The following ITGAE variants were observed in gnomAD, a reference collection of about 807,000 sequenced individuals.
ITGAE encodes integrin subunit alpha E.
A neutral mutation model predicts 136.5 loss-of-function variants in ITGAE; 99 were observed. The ratio of observed to expected loss-of-function variants is 0.73; its 90% CI spans 0.62 to 0.86. ITGAE has a LOEUF of 0.86. Among genes scored for constraint, ITGAE ranks in the 40% least tolerant of loss-of-function variants. The probability of loss-of-function intolerance (pLI) is 0.00; values close to 1 mark genes in which losing one functional copy is unlikely to be tolerated. For synonymous variants in ITGAE, 613 were observed against 591.8 expected (o/e 1.04, Z -0.52); for missense variants, 1,447 against 1,515.3 (o/e 0.95, Z 0.75).
At chr17:3,757,193 GA>G in intron 9 of ITGAE, 59 bp from the exon 10 acceptor site, 2 of 1,583,488 alleles carry the variant, frequency 1.3e-6, no homozygotes, top group Admixed American at 3.5e-5. Flanking sequence ...GGCCCAGGGA[GA>G]GAGCTGAGCC....
intron 20 of ITGAE, among the ~76,000 whole-genome samples, chr17:3,738,462 C>A (rs1282321729): frequency 6.6e-6 from 1 of 152,190 alleles, no homozygotes; most frequent in Non-Finnish European, 1.5e-5. Flanking sequence ...AGCCACCGCG[C>A]CCGGCCTGGG....
In ITGAE at chr17:3,755,083, T is replaced by TGGCCCCGCCCTCATCAGGC. The variant is rs758606346; in HGVS notation, c.1384+33_1384+34insGCCTGATGAGGGCGGGGCC. Reference sequence around the variant, plus strand: ...GCCTCCAGGCCCCGCCCTCATCAGGTGGCCCCGCCCTCATCAGGTGGCCCC... The same window carrying TGGCCCCGCCCTCATCAGGC: ...GCCTCCAGGCCCCGCCCTCATCAGGTGGCCCCGCCCTCATCAGGCGGCCCCGCCCTCATCAGGTGGCCCC... On this transcript the variant is annotated intron_variant, in intron 12 of 30. Transcript: ENST00000263087. 7 of 1,528,238 alleles carry TGGCCCCGCCCTCATCAGGC rather than the reference T, an allele frequency of 4.6e-6. No homozygotes were observed. In the African/African-American group the frequency reaches 7.3e-5, roughly 16 times the overall value. The allele number at this position is 1,528,238 out of a possible 1,614,324, so 94.7% of individuals were successfully genotyped here.
intron 20 of ITGAE, among the ~76,000 whole-genome samples, chr17:3,737,362 T>C (rs961093095): frequency 1.3e-5 from 2 of 150,864 alleles, no homozygotes; most frequent in Non-Finnish European, 2.9e-5. Flanking sequence ...GTAAAGCAAA[T>C]GAAACGAAAA....
intron 1 of ITGAE, among the ~76,000 whole-genome samples, chr17:3,783,787 C>A (rs1250981915): frequency 6.6e-6 from 1 of 152,156 alleles, no homozygotes; most frequent in Non-Finnish European, 1.5e-5. Flanking sequence ...GAGATATATG[C>A]ACACAAATAT....
At chr17:3,785,536 AAG>A (rs2052769499) in intron 1 of ITGAE, among the ~76,000 whole-genome samples, 1 of 149,490 alleles carries the variant, frequency 6.7e-6, no homozygotes. Flanking sequence ...GGAAGGAAGG[AAG>A]GAAGGAAGGA....
rs774796024 is a variant in ITGAE at position 3,753,347 on chromosome 17, T to C, written c.1611A>G (p.Pro537=). The C allele has an allele frequency of 1.7e-5, 28 of 1,614,042 alleles. No homozygotes were observed. Among genetic ancestry groups the C allele is most frequent in the Non-Finnish European group, 2.4e-5 (28 of 1,179,992 alleles). ...GSTDFLLVAA[P]FYHVHGEEGR... Reference sequence around the variant, plus strand: ...CTTCTTCTCCATGAACGTGGTAAAATGGAGCAGCCACCAGCAAGAAGTCCG... The same window carrying C: ...CTTCTTCTCCATGAACGTGGTAAAACGGAGCAGCCACCAGCAAGAAGTCCG... Residue 537 remains proline, a synonymous_variant, in exon 14 of 31, where the codon CCA becomes CCG. Coordinates refer to ENST00000263087, the MANE Select transcript of ITGAE (RefSeq NM_002208.5).
chr17:3,789,009 G>T (rs560172248), intron 1 of ITGAE, among the ~76,000 whole-genome samples: 1 of 152,058 alleles, frequency 6.6e-6, no homozygotes, highest in East Asian at 1.9e-4. Flanking sequence ...ACTTTGGGAG[G>T]CTGAGGTGGG....
chr17:3,760,800 T>C (rs2052146376), intron 6 of ITGAE, among the ~76,000 whole-genome samples: 1 of 152,076 alleles, frequency 6.6e-6, no homozygotes, highest in Non-Finnish European at 1.5e-5. Flanking sequence ...TCAGGCTTTG[T>C]GTGCTGTGTG....
At chr17:3,714,983 T>C (rs1313943773) in intron 30 of ITGAE, 41 bp from the exon 31 acceptor site, 5 of 1,212,302 alleles carry the variant, frequency 4.1e-6, no homozygotes, top group South Asian at 2.4e-5. Context: ...AGGCCAAAGA[T>C]AGCCATCTGT....
At chr17:3,726,420 G>T in intron 26 of ITGAE, 1 of 846,822 alleles carries the variant, frequency 1.2e-6, no homozygotes, top group South Asian at 1.9e-5. Flanking sequence ...ACAGGAGGGT[G>T]GAACTCCCAT....
At chr17:3,759,820 G>C (rs888372164) in intron 7 of ITGAE, among the ~76,000 whole-genome samples, 1 of 152,194 alleles carries the variant, frequency 6.6e-6, no homozygotes, top group Non-Finnish European at 1.5e-5. Context: ...GACTGGCTTT[G>C]GCCAATAAGA....
At chr17:3,732,071 A>G (rs1177319264) in intron 22 of ITGAE, among the ~76,000 whole-genome samples, 1 of 116,590 alleles carries the variant, frequency 8.6e-6, no homozygotes, top group Non-Finnish European at 1.7e-5. Context: ...ATGAAACTCC[A>G]TCTCAAAAAC....
intron 2 of ITGAE, among the ~76,000 whole-genome samples, chr17:3,765,938 T>C (rs1239793930): frequency 6.6e-6 from 1 of 152,206 alleles, no homozygotes; most frequent in Admixed American, 6.5e-5. Flanking sequence ...GGCAGAATAA[T>C]GGCCCCCCAA....
In ITGAE at chr17:3,750,443, A is replaced by C; in HGVS notation, c.1933T>G (p.Phe645Val). The C allele has an allele frequency of 2.5e-6, 4 of 1,614,226 alleles. No homozygotes were observed. The highest frequency in any genetic ancestry group is 3.4e-6 in the Non-Finnish European group (4 of 1,180,040). The part of the protein sequence containing the change: ...ASTVAPGLQY[F>V]GMSMAGGFDI... ...AAGCCACCAGCCATGGACATGCCGAAGTACTGGAGTCCTGGGGCCACCGTG... is the reference window on the plus strand; with the variant it reads ...AAGCCACCAGCCATGGACATGCCGACGTACTGGAGTCCTGGGGCCACCGTG... The change falls in exon 16 of 31, where the codon TTC (phenylalanine) becomes GTC (valine). Residue 645 changes from phenylalanine to valine, a missense_variant. Coordinates refer to ENST00000263087, the MANE Select transcript of ITGAE (RefSeq NM_002208.5).
In ITGAE at chr17:3,753,439, C is replaced by A; in HGVS notation, c.1528-9G>T. On this transcript the variant is annotated splice_polypyrimidine_tract_variant and intron_variant, in intron 13 of 30. Coordinates refer to ENST00000263087, the MANE Select transcript of ITGAE (RefSeq NM_002208.5). ...CCAAAATAGGACCCCATCTACAGCC[C>A]GGGAGGAACTCAGCTCACCAGGAGC... is the stretch of plus-strand genomic sequence containing the variant. 3 of 1,612,030 alleles carry A rather than the reference C, an allele frequency of 1.9e-6. No individual in the cohort carries two copies. Among genetic ancestry groups the A allele is most frequent in the Non-Finnish European group, 2.5e-6 (3 of 1,178,456 alleles).
intron 1 of ITGAE, among the ~76,000 whole-genome samples, chr17:3,789,368 G>A (rs2052881370): frequency 6.6e-6 from 1 of 152,060 alleles, no homozygotes; most frequent in African/African-American, 2.4e-5. Context: ...CCTACATGAA[G>A]TGCATTTCAG....
intron 28 of ITGAE, among the ~76,000 whole-genome samples, chr17:3,721,096 T>C (rs778572453): frequency 7.3e-5 from 11 of 151,680 alleles, no homozygotes; most frequent in Non-Finnish European, 1.2e-4. Flanking sequence ...ACTGGGCTAA[T>C]TTTTGTATTT....
intron 1 of ITGAE, among the ~76,000 whole-genome samples, chr17:3,800,065 G>C (rs1478125758): frequency 6.6e-6 from 1 of 152,222 alleles, no homozygotes; most frequent in Non-Finnish European, 1.5e-5. Context: ...GTTATGGTGA[G>C]CCAAGATCCA....
rs1239845740 is a variant in ITGAE at position 3,754,602 on chromosome 17, TGG to T, written c.1384+513_1384+514del. On this transcript the variant is annotated intron_variant, in intron 12 of 30. Transcript: ENST00000263087. ...CCCTCCCCTGGGTGGCTGCTGTGCC[TGG>T]TGTGTACCTGACAGGCCTTGTACCT... 8.3e-5 allele frequency: 4 copies of T among 48,208 alleles called. No individual in the cohort carries two copies. The African/African-American group carries it at 9.7e-4, about 12-fold the overall frequency. The allele number at this position is 48,208 out of a possible 1,614,324, so 3.0% of individuals were successfully genotyped here.
Sources: allele counts gnomAD v4.1 joint callset (sites outside exome capture counted in the v4.1 genomes callset), GRCh38; gene constraint gnomAD v4.1.1; transcripts MANE v1.5; gene names NCBI Gene and HGNC (gene_info 2026-07-23, HGNC 2026-07-21).